NCKAP5: variants seen among roughly 807,000 people sequenced by gnomAD.
NCKAP5 encodes nck-associated protein 5.
NCKAP5 carries 92 observed loss-of-function variants against 167.0 expected under a neutral mutation model. The observed-to-expected ratio is 0.55, with a 90% CI of 0.47 to 0.66. The LOEUF (loss-of-function observed/expected upper bound fraction) is 0.66. NCKAP5 is among the 30% of genes least tolerant of loss of function. NCKAP5 has a pLI of 0.00. For missense variants in NCKAP5, 2,378 were observed against 2,315.0 expected (o/e 1.03, Z -0.56); for synonymous variants, 891 against 877.4 (o/e 1.02, Z -0.27).
chr2:132,710,632 G>A (rs781149701), intron 19 of NCKAP5, among the ~76,000 whole-genome samples: 10 of 152,200 alleles, frequency 6.6e-5, no homozygotes, highest in Non-Finnish European at 1.2e-4. Flanking sequence ...ATAGTTAGTT[G>A]TAAATCCAGG....
chr2:133,502,879 G>C (rs1010924302), intron 3 of NCKAP5, among the ~76,000 whole-genome samples: 4 of 152,206 alleles, frequency 2.6e-5, no homozygotes, highest in African/African-American at 9.6e-5. Flanking sequence ...TGTGCCTGGG[G>C]AGTGAGGTGG....
chr2:132,753,877 C>T (rs1407112515), intron 16 of NCKAP5, among the ~76,000 whole-genome samples: 2 of 152,198 alleles, frequency 1.3e-5, no homozygotes, highest in Non-Finnish European at 2.9e-5. Context: ...TGCCGGCAGC[C>T]ATATCTCTTT....
chr2:132,677,016 C>T (rs1403523605), intron 19 of NCKAP5, among the ~76,000 whole-genome samples: 6 of 152,154 alleles, frequency 3.9e-5, no homozygotes, highest in African/African-American at 1.4e-4. Flanking sequence ...TTAAGGGAAG[C>T]ATCTGAAATA....
chr2:133,050,388 A>G (rs1410816082), intron 6 of NCKAP5, among the ~76,000 whole-genome samples: 1 of 152,216 alleles, frequency 6.6e-6, no homozygotes, highest in South Asian at 2.1e-4. Flanking sequence ...TGGTGAGGGA[A>G]AAAGAGATGG....
chr2:133,012,450 G>A (rs112157263), intron 6 of NCKAP5, among the ~76,000 whole-genome samples: 46 of 152,182 alleles, frequency 3.0e-4, no homozygotes, highest in African/African-American at 1.0e-3. Context: ...GGGTTTCACC[G>A]TGTTAGCCAG....
chr2:133,420,057 A>G (rs1335245064), intron 3 of NCKAP5, among the ~76,000 whole-genome samples: 3 of 152,236 alleles, frequency 2.0e-5, no homozygotes, highest in Non-Finnish European at 4.4e-5. Context: ...CTCCCCTCAT[A>G]CTCTCTACTG....
At chr2:133,336,794 C>T (rs767356463) in intron 3 of NCKAP5, among the ~76,000 whole-genome samples, 6 of 152,154 alleles carry the variant, frequency 3.9e-5, no homozygotes, top group Admixed American at 6.5e-5. Flanking sequence ...AAGAGTTTCT[C>T]TTCTGGCTAC....
intron 19 of NCKAP5, among the ~76,000 whole-genome samples, chr2:132,695,491 T>G (rs1687218581): frequency 6.6e-6 from 1 of 152,144 alleles, no homozygotes. Context: ...CTATGTGTGA[T>G]TCCTGGCCAT....
intron 3 of NCKAP5, among the ~76,000 whole-genome samples, chr2:133,500,297 C>A (rs758415282): frequency 1.3e-5 from 2 of 152,154 alleles, no homozygotes; most frequent in Non-Finnish European, 2.9e-5. Context: ...TCAAATCTGC[C>A]AAATCAATGA....
chr2:133,359,416 A>C (rs116150834), intron 3 of NCKAP5, among the ~76,000 whole-genome samples: 1,524 of 152,292 alleles, frequency 0.01, 19 homozygotes, highest in African/African-American at 0.034. Flanking sequence ...TAATTATGTG[A>C]GGTTGCTATG....
intron 4 of NCKAP5, among the ~76,000 whole-genome samples, chr2:133,247,936 A>G (rs2088087530): frequency 6.6e-6 from 1 of 152,190 alleles, no homozygotes; most frequent in Non-Finnish European, 1.5e-5. Context: ...GTAAAGTCCT[A>G]TGAGGGGATT....
In NCKAP5 at chr2:132,701,264, C is replaced by A. The variant is rs554561645; in HGVS notation, c.5713+24363G>T. On this transcript the variant is annotated intron_variant, in intron 19 of 19. Coordinates refer to ENST00000409261, the MANE Select transcript of NCKAP5 (RefSeq NM_207363.3). Reference sequence around the variant, plus strand: ...ATCTTGTAGGGTTTCCACTGAAATACCACAGGTAATGAGGGCGGGATAAGA... The same window carrying A: ...ATCTTGTAGGGTTTCCACTGAAATAACACAGGTAATGAGGGCGGGATAAGA... 1.2e-4 allele frequency among the ~76,000 whole-genome samples: 19 copies of A among 152,160 alleles called. No homozygotes were observed. In the South Asian group the frequency reaches 2.9e-3, roughly 23 times the overall value.
At chr2:133,226,090 G>C (rs1192168622) in intron 4 of NCKAP5, among the ~76,000 whole-genome samples, 1 of 141,624 alleles carries the variant, frequency 7.1e-6, no homozygotes. Flanking sequence ...CACGGTGCCT[G>C]GCTGCCACAC....
the NCKAP5 span, among the ~76,000 whole-genome samples, chr2:133,614,206 C>A: frequency 0.094 from 14,307 of 152,096 alleles, 773 homozygotes; most frequent in African/African-American, 0.12. Context: ...GTCTCGTGGT[C>A]TGGGGCAAGT....
intron 6 of NCKAP5, among the ~76,000 whole-genome samples, chr2:133,023,157 A>G (rs1018458294): frequency 2.0e-5 from 3 of 152,174 alleles, no homozygotes; most frequent in African/African-American, 7.2e-5. Flanking sequence ...GAGACAATCA[A>G]TGTGTGTTTT....
intron 3 of NCKAP5, among the ~76,000 whole-genome samples, chr2:133,344,034 A>G (rs1683780773): frequency 6.6e-6 from 1 of 152,134 alleles, no homozygotes; most frequent in Non-Finnish European, 1.5e-5. Flanking sequence ...ACTGCGGGGA[A>G]TGGTGGATCT....
chr2:133,147,096 T>C (rs2083224853), intron 5 of NCKAP5, among the ~76,000 whole-genome samples: 1 of 152,192 alleles, frequency 6.6e-6, no homozygotes, highest in African/African-American at 2.4e-5. Context: ...AGCACTTCTA[T>C]GCAATAGCTC....
intron 6 of NCKAP5, among the ~76,000 whole-genome samples, chr2:133,053,950 C>T (rs1488632062): frequency 6.6e-6 from 1 of 152,050 alleles, no homozygotes; most frequent in African/African-American, 2.4e-5. Context: ...ATATTAATTG[C>T]CATTAGAAAT....
intron 9 of NCKAP5, among the ~76,000 whole-genome samples, chr2:132,878,628 AC>A (rs2148811704): frequency 9.6e-6 from 1 of 103,882 alleles, no homozygotes; most frequent in African/African-American, 4.0e-5. Context: ...ACACACACAC[AC>A]ACACACACAC....
Sources: allele counts gnomAD v4.1 joint callset (sites outside exome capture counted in the v4.1 genomes callset), GRCh38; gene constraint gnomAD v4.1.1; transcripts MANE v1.5; gene names NCBI Gene and HGNC (gene_info 2026-07-23, HGNC 2026-07-21).